The following ANLN variants were observed in gnomAD, a reference collection of about 807,000 sequenced individuals.
ANLN encodes the protein anillin.
In ANLN, 59 loss-of-function variants were observed where a neutral mutation model predicts 135.1. The ratio of observed to expected loss-of-function variants is 0.44; its 90% CI spans 0.35 to 0.54. The LOEUF (loss-of-function observed/expected upper bound fraction) is 0.54, where lower values mean the gene tolerates loss of function less well. ANLN is among the 20% of genes least tolerant of loss of function. ANLN has a pLI of 0.00. For synonymous variants in ANLN, 406 were observed against 456.4 expected (o/e 0.89, Z 1.41); for missense variants, 1,182 against 1,340.0 (o/e 0.88, Z 1.84).
rs761254343 is a variant in ANLN, at chr7:36,396,389, A to G, written c.142A>G (p.Ser48Gly). The change falls in exon 2 of 24, where the codon AGT becomes GGT. Residue 48 changes from serine to glycine, a missense_variant. By Grantham distance (56) the Ser-to-Gly change is moderately conservative (BLOSUM62 0). This residue lies in a region of ANLN where 1,022 missense variants were observed against 1,134.0 expected (regional missense o/e 0.90). Transcript: ENST00000265748. ...AGCTAGACAGCCACTTTCAGAAGCAAGTAACCAGCAGCCCCTCTCTGGTGG... is the reference window on the plus strand; with the variant it reads ...AGCTAGACAGCCACTTTCAGAAGCAGGTAACCAGCAGCCCCTCTCTGGTGG... ...KRARQPLSEA[S>G]NQQPLSGGEE... 2 of 1,596,532 alleles carry G rather than the reference A, an allele frequency of 1.3e-6. No homozygotes were observed. Among genetic ancestry groups the G allele is most frequent in the African/African-American group, 1.3e-5 (1 of 74,834 alleles).
At chr7:36,444,269 G>A (rs889493159) in intron 22 of ANLN, among the ~76,000 whole-genome samples, 4 of 148,360 alleles carry the variant, frequency 2.7e-5, no homozygotes, top group East Asian at 2.0e-4. Context: ...CAGCCTGAGC[G>A]ACAGAGCAAG....
chr7:36,408,167 A>G (rs1310416405), intron 5 of ANLN, among the ~76,000 whole-genome samples: 3 of 152,232 alleles, frequency 2.0e-5, no homozygotes, highest in South Asian at 4.1e-4. Context: ...AATATGTTAC[A>G]TTTTAACAGT....
chr7:36,439,612 G>A lies in ANLN; in HGVS notation c.2970+322G>A, dbSNP rs1650493700. ...CCAGGTCTTGACTGTGTGTGGGGTGGGATAAAGGGAACTGCTGAGAGAAGT... is the reference window on the plus strand; with the variant it reads ...CCAGGTCTTGACTGTGTGTGGGGTGAGATAAAGGGAACTGCTGAGAGAAGT... On this transcript the variant is annotated intron_variant, in intron 21 of 23. Transcript: ENST00000265748. Among the ~76,000 whole-genome samples, 4 of 152,162 alleles carry A rather than the reference G, an allele frequency of 2.6e-5. No individual in the cohort carries two copies. The South Asian group carries it at 8.3e-4, about 31-fold the overall frequency.
At chr7:36,414,333 T>C (rs1264994815) in intron 7 of ANLN, among the ~76,000 whole-genome samples, 2 of 152,100 alleles carry the variant, frequency 1.3e-5, no homozygotes, top group African/African-American at 4.8e-5. Flanking sequence ...CTAAGTCAAT[T>C]TGTGTGATGG....
Position 36,424,717 on chromosome 7 carries a change from A to G in ANLN, c.2684A>G (p.Lys895Arg), listed in dbSNP as rs1016439798. 1.9e-6 allele frequency: 3 copies of G among 1,612,436 alleles called. No homozygotes were observed. The highest frequency in any genetic ancestry group is 2.5e-6 in the Non-Finnish European group (3 of 1,179,350). The change falls in exon 17 of 24, where the codon AAG (lysine) becomes AGG (arginine). Residue 895 changes from lysine (K) to arginine (R), a missense_variant. Around this residue, in one of 3 missense-constraint regions of ANLN, gnomAD observed 1,022 missense variants for 1,134.0 expected, o/e 0.90. Transcript: ENST00000265748. ...VQKKDPSGLDKKKKTSKSKAI... is the reference protein window; with the variant it reads ...VQKKDPSGLDRKKKTSKSKAI... ...AAGAAAGATCCCTCAGGCCTTGATAAGAAGAAAAAAACATCCAAGTCCAAG... is the reference window on the plus strand; with the variant it reads ...AAGAAAGATCCCTCAGGCCTTGATAGGAAGAAAAAAACATCCAAGTCCAAG...
At chr7:36,418,940 A>G (rs1456786549) in intron 9 of ANLN, among the ~76,000 whole-genome samples, 3 of 151,992 alleles carry the variant, frequency 2.0e-5, no homozygotes, top group African/African-American at 7.2e-5. Context: ...TATTTTTAGT[A>G]GAGACTGGGC....
chr7:36,406,465 A>G lies in ANLN; in HGVS notation c.772A>G (p.Thr258Ala). ...TAGCAGCAGTGTTAAGCAGGAAGCT[A>G]CATTCTGTTCCCAAAGGGATGGCGA... The part of the protein sequence containing the change: ...INSSSVKQEA[T>A]FCSQRDGDAS... The change falls in exon 4 of 24, where the codon ACA becomes GCA. Residue 258 changes from threonine (T) to alanine (A), a missense_variant. Thr to Ala is a moderately conservative substitution (Grantham distance 58). Transcript: ENST00000265748. 1.2e-6 allele frequency: 2 copies of G among 1,609,734 alleles called. No homozygotes were observed. The highest frequency in any genetic ancestry group is 1.7e-4 in the Middle Eastern group (1 of 6,026).
chr7:36,447,813 G>T (rs544693017), intron 22 of ANLN, among the ~76,000 whole-genome samples: 3 of 152,122 alleles, frequency 2.0e-5, no homozygotes, highest in Admixed American at 6.5e-5. Flanking sequence ...CTTACGAATA[G>T]TTTGTTTCTA....
chr7:36,390,006 CGTA>C lies in ANLN; in HGVS notation c.-18_-16del, dbSNP rs752380836. ...ATTTGAACCACCGTTTCCATCGTCT[CGTA>C]GTCCGACGCCTGGGGCGATGGATCC... is the stretch of plus-strand genomic sequence containing the variant. On this transcript the variant is annotated 5_prime_UTR_variant, in exon 1 of 24. Transcript: ENST00000265748. The C allele has an allele frequency of 6.2e-7, 1 of 1,614,102 alleles. No individual in the cohort carries two copies. Among genetic ancestry groups the C allele is most frequent in the African/African-American group, 1.3e-5 (1 of 75,062 alleles).
At chr7:36,426,871 A>G in intron 19 of ANLN, 45 bp from the exon 20 acceptor site, 1 of 1,294,682 alleles carries the variant, frequency 7.7e-7, no homozygotes, top group Non-Finnish European at 1.1e-6. Context: ...CTTATACTTA[A>G]CAAAAGTCAT....
At chr7:36,425,217 A>G (rs1304674023) in intron 17 of ANLN, among the ~76,000 whole-genome samples, 6 of 152,076 alleles carry the variant, frequency 3.9e-5, no homozygotes, top group Admixed American at 3.9e-4. Flanking sequence ...TCAGGGACTC[A>G]AGTGTAATGT....
intron 23 of ANLN, among the ~76,000 whole-genome samples, chr7:36,450,826 C>G (rs1391441352): frequency 1.3e-5 from 2 of 152,188 alleles, no homozygotes; most frequent in Non-Finnish European, 2.9e-5. Flanking sequence ...CCAAATAGTT[C>G]CTGACCACAG....
chr7:36,391,647 C>G (rs1786468269), intron 1 of ANLN, among the ~76,000 whole-genome samples: 1 of 152,162 alleles, frequency 6.6e-6, no homozygotes, highest in Non-Finnish European at 1.5e-5. Flanking sequence ...GCTACTGGTA[C>G]AGTTGTCTAT....
At chr7:36,411,017 G>A (rs201579104) in intron 6 of ANLN, 42 bp from the exon 7 acceptor site, 1 of 1,520,824 alleles carries the variant, frequency 6.6e-7, no homozygotes, top group African/African-American at 1.4e-5. Flanking sequence ...TGTTAAACAT[G>A]CTACCGGCTC....
At chr7:36,429,883 A>C (rs1158237270) in intron 20 of ANLN, among the ~76,000 whole-genome samples, 1 of 152,214 alleles carries the variant, frequency 6.6e-6, no homozygotes, top group Admixed American at 6.5e-5. Context: ...ACTCCTTTGA[A>C]TTTATAACTT....
At chr7:36,421,809 G>T in intron 12 of ANLN, 48 bp from the exon 13 acceptor site, 1 of 1,495,756 alleles carries the variant, frequency 6.7e-7, no homozygotes, top group South Asian at 1.3e-5. Context: ...AAGTGAAAAT[G>T]ATGATTTAAA....
At chr7:36,391,403 A>G (rs1786455428) in intron 1 of ANLN, among the ~76,000 whole-genome samples, 2 of 152,244 alleles carry the variant, frequency 1.3e-5, no homozygotes, top group Non-Finnish European at 2.9e-5. Flanking sequence ...TTTACTTAAA[A>G]ATGTCATTCT....
chr7:36,406,623 A>G (rs1787203121), intron 4 of ANLN, 57 bp downstream of exon 4: 1 of 1,424,750 alleles, frequency 7.0e-7, no homozygotes, highest in Non-Finnish European at 9.2e-7. Context: ...TATGAGTGGT[A>G]TAATACATCT....
intron 3 of ANLN, among the ~76,000 whole-genome samples, chr7:36,404,041 G>C (rs747905077): frequency 8.5e-4 from 130 of 152,216 alleles, no homozygotes; most frequent in Non-Finnish European, 1.5e-3. Context: ...CACGATCTCG[G>C]CTCACTGCAA....
Sources: allele counts gnomAD v4.1 joint callset (sites outside exome capture counted in the v4.1 genomes callset), GRCh38; gene constraint gnomAD v4.1.1; regional missense constraint gnomAD v4.1.1; transcripts MANE v1.5; gene names NCBI Gene and HGNC (gene_info 2026-07-23, HGNC 2026-07-21).